AKAP3: variants seen among roughly 807,000 people sequenced by gnomAD.
AKAP3 encodes the protein A-kinase anchor protein 3.
In AKAP3, 27 loss-of-function variants were observed where a neutral mutation model predicts 57.2. That is an observed-to-expected ratio of 0.47 (90% CI 0.35 to 0.65). AKAP3 has a LOEUF of 0.65. AKAP3 is among the 30% of genes least tolerant of loss of function. The probability of loss-of-function intolerance (pLI) is 0.01; values close to 1 mark genes in which losing one functional copy is unlikely to be tolerated. For synonymous variants in AKAP3, 334 were observed against 392.3 expected (o/e 0.85, Z 1.76); for missense variants, 959 against 1,040.0 (o/e 0.92, Z 1.07).
rs1387042667 is a variant in AKAP3, at chr12:4,629,179, G to C, written c.97-374C>G. On this transcript the variant is annotated intron_variant, in intron 4 of 5. Coordinates refer to ENST00000228850, the MANE Select transcript of AKAP3 (RefSeq NM_001278309.2). ...ACTCCACAGCCCATGCTCTCAGCTA[G>C]TATACTATGTTGCTTCTAATGACAT... 3.3e-5 allele frequency among the ~76,000 whole-genome samples: 5 copies of C among 152,170 alleles called. No homozygotes were observed. In the East Asian group the frequency reaches 5.8e-4, roughly 18 times the overall value.
chr12:4,623,628 A>G (rs974265003), intron 5 of AKAP3, among the ~76,000 whole-genome samples: 11 of 151,572 alleles, frequency 7.3e-5, no homozygotes. Flanking sequence ...CACTCAGAAA[A>G]AAATAACTAT....
In AKAP3 at chr12:4,627,861, G is replaced by T. The variant is rs755680917; in HGVS notation, c.1041C>A (p.Thr347=). ...FLRNLHSVTG[T]LMTDTQFVSA... The stretch of plus-strand genomic sequence containing the variant: ...AGACAAACTGTGTGTCAGTCATGAG[G>T]GTCCCTGTGACGCTGTGGAGATTCC... The change falls in exon 5 of 6, where the codon ACC becomes ACA. Residue 347 remains threonine, a synonymous_variant. Coordinates refer to ENST00000228850, the MANE Select transcript of AKAP3 (RefSeq NM_001278309.2). The T allele has an allele frequency of 6.2e-7, 1 of 1,614,128 alleles. No homozygotes were observed. Among genetic ancestry groups the T allele is most frequent in the Non-Finnish European group, 8.5e-7 (1 of 1,180,022 alleles).
chr12:4,629,772 GT>G (rs370642315), intron 4 of AKAP3, among the ~76,000 whole-genome samples: 35 of 152,262 alleles, frequency 2.3e-4, no homozygotes, highest in Middle Eastern at 3.4e-3. Flanking sequence ...TACAAGTATA[GT>G]TTCCAAAAAA....
chr12:4,629,501 A>G (rs1394082268), intron 4 of AKAP3, among the ~76,000 whole-genome samples: 3 of 152,158 alleles, frequency 2.0e-5, no homozygotes, highest in Non-Finnish European at 4.4e-5. Context: ...GGGAGGAGGG[A>G]GAGGACAAGG....
rs115289691 is a variant in AKAP3 at position 4,626,635 on chromosome 12, G to A, written c.2267C>T (p.Thr756Met). The A allele has an allele frequency of 1.2e-5, 19 of 1,614,058 alleles. No homozygotes were observed. The highest frequency in any genetic ancestry group is 1.6e-4 in the Middle Eastern group (1 of 6,084). ...TAGGTTGTGATTGCTGACAATCACC[G>A]TGGGTGCTGCACACCCTTCAGGGGG... ...GQPPEGCAAP[T>M]VIVSNHNLTD... is the part of the protein sequence containing the mutation. The change falls in exon 5 of 6, where the codon ACG becomes ATG. Residue 756 changes from threonine (T) to methionine (M), a missense_variant. By Grantham distance (81) the Thr-to-Met change is moderately conservative. Transcript: ENST00000228850.
intron 5 of AKAP3, among the ~76,000 whole-genome samples, chr12:4,623,755 TA>T (rs1364316629): frequency 6.6e-6 from 1 of 151,960 alleles, no homozygotes; most frequent in South Asian, 2.1e-4. Flanking sequence ...TAAAATAAGT[TA>T]AAAAAAGAAA....
rs757615855 is a variant in AKAP3 at position 4,627,195 on chromosome 12, A to T, written c.1707T>A (p.Asp569Glu). The T allele has an allele frequency of 1.9e-6, 3 of 1,614,146 alleles. No individual in the cohort carries two copies. The South Asian group carries it at 3.3e-5, about 18-fold the overall frequency. The change falls in exon 5 of 6, where the codon GAT becomes GAA. Residue 569 changes from aspartate to glutamate, a missense_variant. Asp to Glu is a conservative substitution (Grantham distance 45, BLOSUM62 2). Coordinates refer to ENST00000228850, the MANE Select transcript of AKAP3 (RefSeq NM_001278309.2). Reference protein sequence around the residue: ...FPANEPPVAPDESCLKSAPIV... With the variant: ...FPANEPPVAPEESCLKSAPIV... ...TGGGAGCAGACTTAAGGCAAGATTC[A>T]TCGGGAGCTACAGGAGGTTCATTGG...
intron 4 of AKAP3, among the ~76,000 whole-genome samples, chr12:4,637,777 T>C (rs1472075100): frequency 6.6e-6 from 1 of 152,158 alleles, no homozygotes; most frequent in Non-Finnish European, 1.5e-5. Context: ...AATTCCTCTC[T>C]GTTTGAAAAT....
At chr12:4,646,907 C>A (rs572840442) in intron 1 of AKAP3, among the ~76,000 whole-genome samples, 2 of 151,958 alleles carry the variant, frequency 1.3e-5, no homozygotes, top group Non-Finnish European at 2.9e-5. Context: ...CTCAGTCTCC[C>A]GAGTAACTGG....
In AKAP3 at chr12:4,628,337, T is replaced by A; in HGVS notation, c.565A>T (p.Asn189Tyr). 5 of 1,614,168 alleles carry A rather than the reference T, an allele frequency of 3.1e-6. No homozygotes were observed. Among genetic ancestry groups the A allele is most frequent in the Non-Finnish European group, 4.2e-6 (5 of 1,180,018 alleles). ...CCAGGAGCCTTGTCTGGGGCAGCAT[T>A]CCTGGAACATGCAGAGACGGTCTCA... ...VNETVSACSR[N>Y]AAPDKAPGSG... The change falls in exon 5 of 6, where the codon AAT (asparagine) becomes TAT (tyrosine). Residue 189 changes from asparagine to tyrosine, a missense_variant. Physicochemically the swap from Asn to Tyr is moderately radical, Grantham distance 143 (BLOSUM62 -2). Transcript: ENST00000228850.
chr12:4,638,012 G>T, intron 4 of AKAP3, 89 bp downstream of exon 4: 1 of 1,094,162 alleles, frequency 9.1e-7, no homozygotes, highest in Non-Finnish European at 1.4e-6. Context: ...AAAAATAAGA[G>T]GTTGGTGGTA....
At chr12:4,647,646 T>C (rs1945715244) in intron 1 of AKAP3, among the ~76,000 whole-genome samples, 2 of 152,226 alleles carry the variant, frequency 1.3e-5, no homozygotes, top group East Asian at 1.9e-4. Flanking sequence ...AGGTTGCTGA[T>C]GACAGTCAGG....
chr12:4,636,851 G>A (rs914401124), intron 4 of AKAP3, among the ~76,000 whole-genome samples: 1 of 152,162 alleles, frequency 6.6e-6, no homozygotes, highest in African/African-American at 2.4e-5. Context: ...CTGGGCTCAA[G>A]TGATTCTCCT....
At chr12:4,636,519 C>T (rs951793338) in intron 4 of AKAP3, among the ~76,000 whole-genome samples, 5 of 152,136 alleles carry the variant, frequency 3.3e-5, no homozygotes, top group African/African-American at 1.2e-4. Flanking sequence ...ACTGATCTGC[C>T]TTTTGTTTCT....
At chr12:4,636,870 C>T (rs1945572715) in intron 4 of AKAP3, among the ~76,000 whole-genome samples, 1 of 152,202 alleles carries the variant, frequency 6.6e-6, no homozygotes, top group Non-Finnish European at 1.5e-5. Context: ...CTGCCTCAGC[C>T]TCTCAAGTTG....
chr12:4,624,809 G>GGGGTGTGTGTGTGTGTGTGTGTGTGTGT (rs1555126709), intron 5 of AKAP3, among the ~76,000 whole-genome samples: 1 of 87,828 alleles, frequency 1.1e-5, no homozygotes, highest in East Asian at 2.8e-4. Context: ...AGTAGACAAA[G>GGGGTGTGTGTGTGTGTGTGTGTGTGTGT]GTGTGTGTGT....
intron 5 of AKAP3, among the ~76,000 whole-genome samples, chr12:4,619,018 T>C (rs1368639291): frequency 1.3e-5 from 2 of 152,176 alleles, no homozygotes; most frequent in African/African-American, 4.8e-5. Flanking sequence ...ATTGCATAGG[T>C]ATCTCACTAA....
intron 5 of AKAP3, among the ~76,000 whole-genome samples, chr12:4,616,431 C>T (rs1044398263): frequency 6.6e-6 from 1 of 152,198 alleles, no homozygotes; most frequent in Non-Finnish European, 1.5e-5. Flanking sequence ...GTTAAGCAAC[C>T]ATTCTAATAT....
intron 3 of AKAP3, among the ~76,000 whole-genome samples, chr12:4,638,497 C>T (rs1945593794): frequency 6.6e-6 from 1 of 152,140 alleles, no homozygotes; most frequent in Admixed American, 6.5e-5. Context: ...TGTCCCGCCC[C>T]TTTATGTCCT....
Sources: gnomAD v4.1 joint callset for allele counts (sites outside exome capture counted in the v4.1 genomes callset) on GRCh38, gnomAD v4.1.1 for gene constraint, MANE v1.5 for transcripts, NCBI Gene and HGNC (gene_info 2026-07-23, HGNC 2026-07-21) for gene names.